The following DAZL variants were observed in gnomAD, a reference collection of about 807,000 sequenced individuals.
DAZL encodes the protein deleted in azoospermia like.
In DAZL, 4 loss-of-function variants were observed where a neutral mutation model predicts 45.0. That is an observed-to-expected ratio of 0.09 (90% CI 0.04 to 0.20). DAZL has a LOEUF of 0.20. Ranked by LOEUF, DAZL falls within the 10% of genes least tolerant of loss-of-function variation. DAZL has a pLI of 1.00. For synonymous variants in DAZL, 122 were observed against 112.4 expected (o/e 1.09, Z -0.54); for missense variants, 326 against 351.3 (o/e 0.93, Z 0.58).
chr3:16,597,183 A>G, intron 4 of DAZL, 132 bp from the exon 5 acceptor site: 2 of 1,156,182 alleles, frequency 1.7e-6, no homozygotes, highest in Non-Finnish European at 2.5e-6. Context: ...CCAAATTAAA[A>G]TTTGTCATCA....
rs563266429 is a variant in DAZL at position 16,598,252 on chromosome 3, G to A, written c.151-74C>T. 61 of 1,437,810 alleles carry A rather than the reference G, an allele frequency of 4.2e-5. 1 individual carries two copies. The highest frequency in any genetic ancestry group is 4.2e-4 in the Admixed American group (24 of 57,264). The allele number at this position is 1,437,810 out of a possible 1,614,324, so 89.1% of individuals were successfully genotyped here. On this transcript the variant is annotated intron_variant, in intron 2 of 10. Transcript: ENST00000399444. ...TTTTAATTTTACTAAAAGAAGGTTC[G>A]ATGATGTGACAATTTCTCCCCCATT... is the stretch of plus-strand genomic sequence containing the variant.
intron 4 of DAZL, 78 bp from the exon 5 acceptor site, chr3:16,597,129 T>C (rs915515877): frequency 4.8e-6 from 7 of 1,445,896 alleles, no homozygotes; most frequent in Non-Finnish European, 5.8e-6. Context: ...ACCTAAAGTC[T>C]TCTAAAATTC....
chr3:16,592,985 T>A (rs1694543889), intron 9 of DAZL, among the ~76,000 whole-genome samples: 1 of 152,230 alleles, frequency 6.6e-6, no homozygotes. Flanking sequence ...CCTAATTCAA[T>A]ATTTGAATAA....
At position 16,594,544 on chromosome 3, in the gene DAZL, C is replaced by T; in HGVS notation, c.610G>A (p.Val204Ile). Residue 204 changes from valine (V) to isoleucine (I), a missense_variant, in exon 8 of 11, where the codon GTT becomes ATT. Physicochemically the swap from Val to Ile is conservative, Grantham distance 29. Around this residue, in one of 3 missense-constraint regions of DAZL, gnomAD observed 227 missense variants for 216.6 expected, o/e 1.05. Coordinates refer to ENST00000399444, the MANE Select transcript of DAZL (RefSeq NM_001351.4). Reference protein sequence around the residue: ...QWPVGEQRSYVVPPAYSAVNY... With the variant: ...QWPVGEQRSYIVPPAYSAVNY... ...CTAATTCACTTTACCGGAGGTACAACATAGCTCCTTTGCTCCCCAACAGGC... is the reference window on the plus strand; with the variant it reads ...CTAATTCACTTTACCGGAGGTACAATATAGCTCCTTTGCTCCCCAACAGGC... 2.5e-6 allele frequency: 4 copies of T among 1,592,546 alleles called. No homozygotes were observed. Among genetic ancestry groups the T allele is most frequent in the Non-Finnish European group, 2.6e-6 (3 of 1,170,368 alleles).
At chr3:16,599,672 A>G (rs952903218) in intron 1 of DAZL, among the ~76,000 whole-genome samples, 6 of 152,174 alleles carry the variant, frequency 3.9e-5, no homozygotes, top group African/African-American at 1.2e-4. Context: ...CATATAACTC[A>G]TTTTTTCTGG....
intron 10 of DAZL, among the ~76,000 whole-genome samples, chr3:16,590,453 T>A (rs946673294): frequency 6.6e-6 from 1 of 152,212 alleles, no homozygotes; most frequent in African/African-American, 2.4e-5. Flanking sequence ...TCCTTTTGAA[T>A]GTAAAGTGTG....
Position 16,592,037 on chromosome 3 carries a change from G to A in DAZL, c.834+13C>T. ...GTGTGCTTTTTAATTGTGCGTAACT[G>A]TTATATTCATACCTTGAAGTAGTCA... is the stretch of plus-strand genomic sequence containing the variant. On this transcript the variant is annotated intron_variant, in intron 10 of 10. Coordinates refer to ENST00000399444, the MANE Select transcript of DAZL (RefSeq NM_001351.4). 6.2e-7 allele frequency: 1 copy of A among 1,608,492 alleles called. No homozygotes were observed. The highest frequency in any genetic ancestry group is 1.1e-5 in the South Asian group (1 of 90,940).
chr3:16,598,697 A>G, intron 1 of DAZL, 99 bp from the exon 2 acceptor site: 1 of 1,255,674 alleles, frequency 8.0e-7, no homozygotes, highest in Non-Finnish European at 1.0e-6. Context: ...AATATTTTAT[A>G]TAAATTACTT....
intron 3 of DAZL, among the ~76,000 whole-genome samples, 162 bp downstream of exon 3, chr3:16,597,925 T>C (rs1471474363): frequency 6.6e-6 from 1 of 152,242 alleles, no homozygotes; most frequent in East Asian, 1.9e-4. Flanking sequence ...AAACAAACAT[T>C]AGAAAAATGA....
chr3:16,599,220 T>C (rs1160381256), intron 1 of DAZL, among the ~76,000 whole-genome samples: 1 of 151,648 alleles, frequency 6.6e-6, no homozygotes, highest in African/African-American at 2.4e-5. Flanking sequence ...AAAGTTCAGA[T>C]TTGTAAAAAT....
At chr3:16,603,198 G>C (rs765535920) in intron 1 of DAZL, among the ~76,000 whole-genome samples, 1 of 152,128 alleles carries the variant, frequency 6.6e-6, no homozygotes, top group African/African-American at 2.4e-5. Context: ...TGATAGGCGA[G>C]GATACTCATC....
intron 10 of DAZL, among the ~76,000 whole-genome samples, chr3:16,589,264 T>A (rs1327604213): frequency 1.3e-5 from 2 of 152,316 alleles, no homozygotes; most frequent in South Asian, 4.1e-4. Flanking sequence ...TTTCACTCTA[T>A]GTTGCCTACA....
chr3:16,600,165 A>G (rs1694661464), intron 1 of DAZL, among the ~76,000 whole-genome samples: 2 of 152,218 alleles, frequency 1.3e-5, no homozygotes, highest in African/African-American at 4.8e-5. Flanking sequence ...AAAAAGCTGC[A>G]AAAGAGAAAG....
chr3:16,591,542 A>G (rs934717148), intron 10 of DAZL, among the ~76,000 whole-genome samples: 48 of 150,634 alleles, frequency 3.2e-4, no homozygotes, highest in Non-Finnish European at 6.1e-4. Context: ...CAATCCTCCT[A>G]CCTCAGCCTC....
chr3:16,588,115 G>C lies in DAZL; in HGVS notation c.*545C>G, dbSNP rs1392864941. The stretch of plus-strand genomic sequence containing the variant: ...TGATTGGACTGTTCGCTTTGAATCT[G>C]TTTTGCTGGGTTTAGATAAGAAGAC... On this transcript the variant is annotated 3_prime_UTR_variant, in exon 11 of 11. Transcript: ENST00000399444. 2 of 161,524 alleles carry C rather than the reference G, an allele frequency of 1.2e-5. No homozygotes were observed. Among genetic ancestry groups the C allele is most frequent in the Non-Finnish European group, 2.7e-5 (2 of 74,806 alleles). 10.0% of individuals were successfully genotyped at this position (161,524 alleles called of 1,614,324 possible). A position where few individuals can be genotyped will look rare whatever the true frequency, so the allele number is the denominator to read the frequency against.
chr3:16,593,636 A>C lies in DAZL; in HGVS notation c.735+19T>G. 1 of 1,444,872 alleles carries C rather than the reference A, an allele frequency of 6.9e-7. No individual in the cohort carries two copies. Among genetic ancestry groups the C allele is most frequent in the Non-Finnish European group, 9.7e-7 (1 of 1,032,328 alleles). The allele number at this position is 1,444,872 out of a possible 1,614,324, so 89.5% of individuals were successfully genotyped here. ...AAAAAATAAATATGAAATATATATAAACAAAATTAGATGTTTGCCTTTTGT... is the reference window on the plus strand; with the variant it reads ...AAAAAATAAATATGAAATATATATACACAAAATTAGATGTTTGCCTTTTGT... On this transcript the variant is annotated intron_variant, in intron 9 of 10. Coordinates refer to ENST00000399444, the MANE Select transcript of DAZL (RefSeq NM_001351.4).
At position 16,587,204 on chromosome 3, in the gene DAZL, G is replaced by C. The variant is rs1379220530; in HGVS notation, c.*1456C>G. On this transcript the variant is annotated 3_prime_UTR_variant, in exon 11 of 11. Coordinates refer to ENST00000399444, the MANE Select transcript of DAZL (RefSeq NM_001351.4). Reference sequence around the variant, plus strand: ...AGACTCTCTCCTTCAGATTCAGAATGAAAATTTTAAGGAATTATAGACCCT... The same window carrying C: ...AGACTCTCTCCTTCAGATTCAGAATCAAAATTTTAAGGAATTATAGACCCT... 1 of 152,064 alleles carries C rather than the reference G, an allele frequency of 6.6e-6. No individual in the cohort carries two copies. Among genetic ancestry groups the C allele is most frequent in the African/African-American group, 2.4e-5 (1 of 41,432 alleles). The allele number at this position is 152,064 out of a possible 1,614,324, so 9.4% of individuals were successfully genotyped here. A position where few individuals can be genotyped will look rare whatever the true frequency, so the allele number is the denominator to read the frequency against.
chr3:16,602,718 C>CA (rs1311209019), intron 1 of DAZL, among the ~76,000 whole-genome samples: 4 of 152,074 alleles, frequency 2.6e-5, no homozygotes, highest in Non-Finnish European at 4.4e-5. Context: ...AAGCATTTGA[C>CA]AAAATACAGC....
chr3:16,598,627 T>C, intron 1 of DAZL, 29 bp from the exon 2 acceptor site: 1 of 1,582,882 alleles, frequency 6.3e-7, no homozygotes, highest in East Asian at 2.3e-5. Context: ...ACATCATAAT[T>C]AGATACACAG....
Sources: allele counts gnomAD v4.1 joint callset (sites outside exome capture counted in the v4.1 genomes callset), GRCh38; gene constraint gnomAD v4.1.1; regional missense constraint gnomAD v4.1.1; transcripts MANE v1.5; gene names NCBI Gene and HGNC (gene_info 2026-07-23, HGNC 2026-07-21).